The following ADARB2 variants were observed in gnomAD, a reference collection of about 807,000 sequenced individuals.
ADARB2 encodes the protein inactive double-stranded RNA-specific editase B2.
In ADARB2, 25 loss-of-function variants were observed where a neutral mutation model predicts 62.2. The observed-to-expected ratio is 0.40, with a 90% confidence interval of 0.29 to 0.56. ADARB2 has a LOEUF of 0.56. Among genes scored for constraint, ADARB2 ranks in the 20% least tolerant of loss-of-function variants. The pLI is 0.43. For synonymous variants in ADARB2, 572 were observed against 500.8 expected, an observed-to-expected ratio of 1.14 and a Z score of -1.90; for missense variants, 1,071 against 1,077.4, an observed-to-expected ratio of 0.99 and a Z score of 0.08.
intron 3 of ADARB2, among the ~76,000 whole-genome samples, chr10:1,321,744 A>C (rs145690855): frequency 6.6e-6 from 1 of 152,232 alleles, no homozygotes; most frequent in East Asian, 1.9e-4. Context: ...TTCCAGGGAG[A>C]ATTTCCCAGC....
intron 1 of ADARB2, among the ~76,000 whole-genome samples, chr10:1,428,557 G>A (rs1830739762): frequency 6.6e-6 from 1 of 152,118 alleles, no homozygotes; most frequent in African/African-American, 2.4e-5. Context: ...AAAGTGCTGG[G>A]ATTACAGGCA....
chr10:1,523,908 A>C (rs890395373), intron 1 of ADARB2, among the ~76,000 whole-genome samples: 3 of 152,132 alleles, frequency 2.0e-5, no homozygotes, highest in Non-Finnish European at 4.4e-5. Flanking sequence ...TTCTTTCTCT[A>C]ATCAACCTGA....
intron 1 of ADARB2, among the ~76,000 whole-genome samples, chr10:1,385,946 A>G (rs182813165): frequency 6.6e-6 from 1 of 152,252 alleles, no homozygotes. Context: ...AATACAAATC[A>G]AAAATTTGCT....
intron 1 of ADARB2, among the ~76,000 whole-genome samples, chr10:1,583,916 TATA>T (rs1170642763): frequency 6.6e-6 from 1 of 152,204 alleles, no homozygotes; most frequent in Non-Finnish European, 1.5e-5. Flanking sequence ...GCAAAGGTGC[TATA>T]ATAATTAGAC....
chr10:1,695,147 C>T (rs1834723440), intron 1 of ADARB2, among the ~76,000 whole-genome samples: 2 of 152,184 alleles, frequency 1.3e-5, no homozygotes. Context: ...CCAGCAGCCT[C>T]AGATGGTCAG....
intron 1 of ADARB2, among the ~76,000 whole-genome samples, chr10:1,688,690 T>C (rs1389610966): frequency 6.6e-6 from 1 of 152,074 alleles, no homozygotes; most frequent in East Asian, 1.9e-4. Context: ...CTGAGGGTGA[T>C]TGCTCATTAA....
chr10:1,683,236 T>C (rs1391136614), intron 1 of ADARB2, among the ~76,000 whole-genome samples: 2 of 152,128 alleles, frequency 1.3e-5, no homozygotes, highest in Non-Finnish European at 2.9e-5. Context: ...TTCCGAGGAT[T>C]TGGGCATCTC....
At chr10:1,434,485 G>C (rs1181643327) in intron 1 of ADARB2, among the ~76,000 whole-genome samples, 2 of 152,198 alleles carry the variant, frequency 1.3e-5, no homozygotes, top group African/African-American at 4.8e-5. Context: ...TCAGAAGCCA[G>C]TGCCCTTATA....
At chr10:1,736,966 A>G in intron 1 of ADARB2, 85 bp downstream of exon 1, 2 of 1,401,098 alleles carry the variant, frequency 1.4e-6, no homozygotes, top group East Asian at 2.3e-5. Flanking sequence ...CTCACAACGG[A>G]CAAGCCCGGA....
At chr10:1,588,726 C>A (rs1833211155) in intron 1 of ADARB2, among the ~76,000 whole-genome samples, 1 of 152,192 alleles carries the variant, frequency 6.6e-6, no homozygotes, top group African/African-American at 2.4e-5. Flanking sequence ...GGACGCCAGC[C>A]CCTGCCTTGG....
At chr10:1,602,259 G>A (rs1380686015) in intron 1 of ADARB2, among the ~76,000 whole-genome samples, 17 of 152,178 alleles carry the variant, frequency 1.1e-4, no homozygotes, top group Admixed American at 9.8e-4. Flanking sequence ...TAGGGTGGAG[G>A]AGCCGCTTCC....
At chr10:1,452,620 G>T (rs549635880) in intron 1 of ADARB2, among the ~76,000 whole-genome samples, 24 of 150,120 alleles carry the variant, frequency 1.6e-4, no homozygotes, top group African/African-American at 4.2e-4. Flanking sequence ...CGGGGGTTGG[G>T]GGGGGGAATA....
Position 1,567,117 on chromosome 10 carries a change from A to G in ADARB2, c.100+169934T>C, listed in dbSNP as rs374007254. Among the ~76,000 whole-genome samples the G allele has an allele frequency of 2.6e-5, 4 of 152,212 alleles. No homozygotes were observed. In the South Asian group the frequency reaches 6.2e-4, roughly 24 times the overall value. The stretch of plus-strand genomic sequence containing the variant: ...ACAGTAGGAAGGCCAGTGGGCACCC[A>G]TGTGGGTGAGGCTGAGGGTGACTGG... On this transcript the variant is annotated intron_variant, in intron 1 of 9. Transcript: ENST00000381312.
chr10:1,622,041 A>G (rs1564349784), intron 1 of ADARB2, among the ~76,000 whole-genome samples: 1 of 152,222 alleles, frequency 6.6e-6, no homozygotes, highest in Non-Finnish European at 1.5e-5. Context: ...TCATGAATTA[A>G]TGCTTACATC....
chr10:1,609,519 C>T (rs1298397284), intron 1 of ADARB2, among the ~76,000 whole-genome samples: 1 of 152,256 alleles, frequency 6.6e-6, no homozygotes, highest in Non-Finnish European at 1.5e-5. Flanking sequence ...CATCCAACAG[C>T]TGCCATCTCT....
chr10:1,627,076 C>T (rs983170432), intron 1 of ADARB2, among the ~76,000 whole-genome samples: 1 of 152,128 alleles, frequency 6.6e-6, no homozygotes, highest in South Asian at 2.1e-4. Flanking sequence ...GCCTCTCCCT[C>T]CCCACAGGCT....
At chr10:1,274,306 C>A (rs1328555621) in intron 3 of ADARB2, among the ~76,000 whole-genome samples, 1 of 152,230 alleles carries the variant, frequency 6.6e-6, no homozygotes, top group Non-Finnish European at 1.5e-5. Context: ...TCGTTGCCAG[C>A]TCTGGTATCC....
At chr10:1,269,827 G>A (rs1460155628) in intron 4 of ADARB2, among the ~76,000 whole-genome samples, 1 of 87,490 alleles carries the variant, frequency 1.1e-5, no homozygotes, top group Non-Finnish European at 3.2e-5. Flanking sequence ...CTCCAGCAGG[G>A]ATGAGCTTGG....
rs755633993 is a variant in ADARB2 at position 1,178,916 on chromosome 10, T to C, written c.*4277A>G. 6.6e-6 allele frequency: 1 copy of C among 152,194 alleles called. No individual in the cohort carries two copies. Among genetic ancestry groups the C allele is most frequent in the Non-Finnish European group, 1.5e-5 (1 of 68,028 alleles). 9.4% of individuals were successfully genotyped at this position (152,194 alleles called of 1,614,324 possible). A position where few individuals can be genotyped will look rare whatever the true frequency, so the allele number is the denominator to read the frequency against. ...AACGGTAGTACATAAAAGGAAAGCC[T>C]CTCAGCTTCCCTTTGGTCTCTGTTA... On this transcript the variant is annotated 3_prime_UTR_variant, in exon 10 of 10. Coordinates refer to ENST00000381312, the MANE Select transcript of ADARB2 (RefSeq NM_018702.4).
Sources: allele counts gnomAD v4.1 joint callset (sites outside exome capture counted in the v4.1 genomes callset), GRCh38; gene constraint gnomAD v4.1.1; transcripts MANE v1.5; gene names NCBI Gene and HGNC (gene_info 2026-07-23, HGNC 2026-07-21).